ITK: variants seen among roughly 807,000 people sequenced by gnomAD.
The protein encoded by ITK is IL2 inducible T cell kinase.
A neutral mutation model predicts 87.6 loss-of-function variants in ITK; 45 were observed. That is an observed-to-expected ratio of 0.51 (90% CI 0.40 to 0.66). The LOEUF (loss-of-function observed/expected upper bound fraction) is 0.66. Among genes scored for constraint, ITK ranks in the 30% least tolerant of loss-of-function variants. The pLI, the probability that ITK is intolerant of heterozygous loss-of-function variation, is 0.00. For missense variants in ITK, 605 were observed against 766.3 expected (o/e 0.79, Z 2.48); for synonymous variants, 303 against 273.6 (o/e 1.11, Z -1.06).
chr5:157,210,542 T>A (rs1331524480), intron 2 of ITK, among the ~76,000 whole-genome samples: 1 of 151,836 alleles, frequency 6.6e-6, no homozygotes, highest in Non-Finnish European at 1.5e-5. Flanking sequence ...TTTTTTTTTT[T>A]TTTAATTTTT....
chr5:157,235,845 A>T (rs867880103), intron 8 of ITK, among the ~76,000 whole-genome samples: 35 of 152,360 alleles, frequency 2.3e-4, no homozygotes, highest in Middle Eastern at 3.4e-3. Flanking sequence ...AGAAAGAAAA[A>T]TACTCCTAAC....
chr5:157,245,831 G>T (rs1451678447), intron 14 of ITK, 41 bp downstream of exon 14: 1 of 1,610,232 alleles, frequency 6.2e-7, no homozygotes, highest in Non-Finnish European at 8.5e-7. Context: ...TCAGGAATGG[G>T]ACTGAGGCCC....
intron 2 of ITK, 93 bp from the exon 3 acceptor site, chr5:157,211,194 A>T (rs1754184702): frequency 2.0e-6 from 2 of 1,011,138 alleles, no homozygotes; most frequent in Non-Finnish European, 3.2e-6. Context: ...GACGATAAAC[A>T]CCCGAGACCC....
intron 1 of ITK, among the ~76,000 whole-genome samples, chr5:157,184,032 G>C (rs912481673): frequency 6.6e-6 from 1 of 152,274 alleles, no homozygotes. Flanking sequence ...TGTTTTCAGA[G>C]GGGCCAAGAA....
At chr5:157,213,779 A>G (rs1490901455) in intron 3 of ITK, 1 of 351,124 alleles carries the variant, frequency 2.8e-6, no homozygotes, top group East Asian at 7.4e-5. Flanking sequence ...AGAAGGGAGA[A>G]AACCAAAGTG....
intron 1 of ITK, among the ~76,000 whole-genome samples, chr5:157,198,574 G>A (rs1412736460): frequency 1.3e-5 from 2 of 152,112 alleles, no homozygotes; most frequent in Non-Finnish European, 2.9e-5. Flanking sequence ...GCTTTAAGGT[G>A]GTCCAGGGAG....
chr5:157,209,033 G>A, intron 2 of ITK, 40 bp downstream of exon 2: 1 of 1,358,556 alleles, frequency 7.4e-7, no homozygotes, highest in Non-Finnish European at 1.1e-6. Context: ...TCCCTGGACT[G>A]TGGTTAAAAT....
rs545921357 is a variant in ITK at position 157,210,100 on chromosome 5, A to G, written c.243+1107A>G. On this transcript the variant is annotated intron_variant, in intron 2 of 16. Coordinates refer to ENST00000422843, the MANE Select transcript of ITK (RefSeq NM_005546.4). Reference sequence around the variant, plus strand: ...GCCAACACTCCCGGCTAATTTTTGTATTTTTAGTAGAGATGGGGTTTCACC... The same window carrying G: ...GCCAACACTCCCGGCTAATTTTTGTGTTTTTAGTAGAGATGGGGTTTCACC... 2.0e-5 allele frequency among the ~76,000 whole-genome samples: 3 copies of G among 152,166 alleles called. No homozygotes were observed. The South Asian group carries it at 6.2e-4, about 32-fold the overall frequency.
intron 7 of ITK, 139 bp downstream of exon 7, chr5:157,228,500 G>A: frequency 1.5e-6 from 1 of 669,124 alleles, no homozygotes; most frequent in East Asian, 2.7e-5. Context: ...TCCAGCTCTT[G>A]ATACCTAAAT....
chr5:157,230,443 G>A (rs952069301), intron 7 of ITK, among the ~76,000 whole-genome samples: 6 of 152,128 alleles, frequency 3.9e-5, no homozygotes, highest in African/African-American at 1.2e-4. Context: ...ATTCAAATGT[G>A]GTCGTGTTAT....
chr5:157,196,392 T>A (rs1358898552), intron 1 of ITK, among the ~76,000 whole-genome samples: 1 of 152,220 alleles, frequency 6.6e-6, no homozygotes, highest in Non-Finnish European at 1.5e-5. Context: ...TACTTAAGTA[T>A]AATTTATTTG....
chr5:157,194,569 C>T (rs1753815852), intron 1 of ITK, among the ~76,000 whole-genome samples: 1 of 152,180 alleles, frequency 6.6e-6, no homozygotes, highest in Non-Finnish European at 1.5e-5. Flanking sequence ...TACCAAACCT[C>T]ACCCTTTTCC....
chr5:157,252,269 AT>A (rs1359706876), intron 16 of ITK, among the ~76,000 whole-genome samples: 7 of 152,138 alleles, frequency 4.6e-5, no homozygotes, highest in African/African-American at 1.7e-4. Flanking sequence ...TTCTTGATAT[AT>A]TTTTATATGT....
intron 6 of ITK, among the ~76,000 whole-genome samples, chr5:157,227,752 A>G (rs1754561276): frequency 7.0e-6 from 1 of 142,506 alleles, no homozygotes; most frequent in Non-Finnish European, 1.5e-5. Flanking sequence ...TTTTTTTATT[A>G]TGTTTCATAT....
At chr5:157,201,149 C>T (rs1418553112) in intron 1 of ITK, among the ~76,000 whole-genome samples, 2 of 151,982 alleles carry the variant, frequency 1.3e-5, no homozygotes, top group Non-Finnish European at 2.9e-5. Context: ...AAATCCAACA[C>T]TCTTTGTGAT....
In ITK at chr5:157,208,878, T is replaced by C; in HGVS notation, c.139-11T>C. On this transcript the variant is annotated splice_polypyrimidine_tract_variant and intron_variant, in intron 1 of 16. Transcript: ENST00000422843. ...TTCTTACATGAATGGGATGTTCTTCTCTCCCCACAGAAGAAGCGCACGCTG... is the reference window on the plus strand; with the variant it reads ...TTCTTACATGAATGGGATGTTCTTCCCTCCCCACAGAAGAAGCGCACGCTG... The C allele has an allele frequency of 6.3e-7, 1 of 1,587,330 alleles. No individual in the cohort carries two copies. Among genetic ancestry groups the C allele is most frequent in the Non-Finnish European group, 8.7e-7 (1 of 1,155,658 alleles).
Position 157,228,941 on chromosome 5 carries a change from C to A in ITK, c.713+580C>A, listed in dbSNP as rs1303127520. On this transcript the variant is annotated intron_variant, in intron 7 of 16. Transcript: ENST00000422843. ...CTGTGCCCAGACAAAAAGATGTGGG[C>A]GTGTCAGATGAGCACAGAAGTTGGC... 2.6e-5 allele frequency among the ~76,000 whole-genome samples: 4 copies of A among 151,990 alleles called. No homozygotes were observed. The South Asian group carries it at 6.2e-4, about 24-fold the overall frequency.
At chr5:157,250,359 T>C (rs1270162435) in intron 16 of ITK, among the ~76,000 whole-genome samples, 2 of 152,216 alleles carry the variant, frequency 1.3e-5, no homozygotes, top group African/African-American at 4.8e-5. Flanking sequence ...AGTAATATGC[T>C]TTAAGGTCCC....
chr5:157,242,413 A>G (rs17595788), intron 11 of ITK, among the ~76,000 whole-genome samples: 23,393 of 152,102 alleles, frequency 0.15, 2,082 homozygotes, highest in Middle Eastern at 0.26. Flanking sequence ...AATGCTTATT[A>G]AAAATGTTGA....
Sources: gnomAD v4.1 joint callset for allele counts (sites outside exome capture counted in the v4.1 genomes callset) on GRCh38, gnomAD v4.1.1 for gene constraint, MANE v1.5 for transcripts, NCBI Gene and HGNC (gene_info 2026-07-23, HGNC 2026-07-21) for gene names.